The following SLC16A10 variants were observed in gnomAD, a reference collection of about 807,000 sequenced individuals.
The protein encoded by SLC16A10 is solute carrier family 16 member 10.
SLC16A10 carries 27 observed loss-of-function variants against 40.0 expected under a neutral mutation model. That is an observed-to-expected ratio of 0.67 (90% confidence interval 0.50 to 0.93). The LOEUF (loss-of-function observed/expected upper bound fraction) is 0.93. SLC16A10 is among the 40% of genes least tolerant of loss of function. The pLI, the probability that SLC16A10 is intolerant of heterozygous loss-of-function variation, is 0.00. For missense variants in SLC16A10, 529 were observed against 658.2 expected, an observed-to-expected ratio of 0.80 and a Z score of 2.15; for synonymous variants, 213 against 249.8, an observed-to-expected ratio of 0.85 and a Z score of 1.39.
intron 1 of SLC16A10, among the ~76,000 whole-genome samples, chr6:111,112,277 C>G (rs370917943): frequency 1.5e-3 from 224 of 152,248 alleles, no homozygotes; most frequent in African/African-American, 5.2e-3. Context: ...TCAAGCAGTC[C>G]TCCTGCCTTG....
chr6:111,221,962 C>G, intron 5 of SLC16A10, 41 bp from the exon 6 acceptor site: 3 of 1,568,190 alleles, frequency 1.9e-6, no homozygotes, highest in Non-Finnish European at 2.6e-6. Context: ...CCTACAGAGC[C>G]ACACTTGTTC....
At chr6:111,153,772 A>G (rs1056210280) in intron 1 of SLC16A10, among the ~76,000 whole-genome samples, 1 of 152,256 alleles carries the variant, frequency 6.6e-6, no homozygotes, top group African/African-American at 2.4e-5. Flanking sequence ...CCTAAACATC[A>G]TCTGCCATGT....
chr6:111,088,074 G>T lies in SLC16A10; in HGVS notation c.322G>T (p.Asp108Tyr). ...GGAAACCTTCGGCTCCAAAGACGAT[G>T]ACAAGATGGTCTTTAAGACAGGTGA... The part of the protein sequence containing the change: ...MLETFGSKDD[D>Y]KMVFKTAWVG... The change falls in exon 1 of 6, where the codon GAC (aspartate) becomes TAC (tyrosine). Residue 108 changes from aspartate (D) to tyrosine (Y), a missense_variant. Physicochemically the swap from Asp to Tyr is radical, Grantham distance 160. Transcript: ENST00000368851. 1 of 1,607,298 alleles carries T rather than the reference G, an allele frequency of 6.2e-7. No individual in the cohort carries two copies. The highest frequency in any genetic ancestry group is 1.1e-5 in the South Asian group (1 of 90,046).
intron 1 of SLC16A10, among the ~76,000 whole-genome samples, chr6:111,124,279 T>C (rs1434011678): frequency 6.6e-6 from 1 of 151,510 alleles, no homozygotes; most frequent in Non-Finnish European, 1.5e-5. Context: ...CATTGGTGGC[T>C]AAGAAATTAA....
intron 1 of SLC16A10, among the ~76,000 whole-genome samples, chr6:111,097,553 A>T (rs1583300656): frequency 6.6e-6 from 1 of 152,006 alleles, no homozygotes; most frequent in Admixed American, 6.5e-5. Flanking sequence ...ATCTCAGGTG[A>T]CCCACCCGCC....
intron 1 of SLC16A10, among the ~76,000 whole-genome samples, chr6:111,166,931 A>C (rs927914985): frequency 6.6e-6 from 1 of 152,246 alleles, no homozygotes; most frequent in African/African-American, 2.4e-5. Context: ...GATGTCAAAC[A>C]TACACACATA....
At chr6:111,167,650 TG>T in intron 1 of SLC16A10, among the ~76,000 whole-genome samples, 1 of 150,606 alleles carries the variant, frequency 6.6e-6, no homozygotes, top group Non-Finnish European at 1.5e-5. Context: ...ATTTATTGTG[TG>T]TGTGTGTATG....
In SLC16A10 at chr6:111,135,783, C is replaced by T. The variant is rs562417217; in HGVS notation, c.344-36912C>T. On this transcript the variant is annotated intron_variant, in intron 1 of 5. Coordinates refer to ENST00000368851, the MANE Select transcript of SLC16A10 (RefSeq NM_018593.5). ...GGTATGCGGATGATTTACTTTTAGCCGCCCGTTCAGAAACCTTGTGCCATC... is the reference window on the plus strand; with the variant it reads ...GGTATGCGGATGATTTACTTTTAGCTGCCCGTTCAGAAACCTTGTGCCATC... Among the ~76,000 whole-genome samples the T allele has an allele frequency of 1.6e-4, 25 of 152,292 alleles. 1 individual carries two copies. The highest frequency in any genetic ancestry group is 6.2e-4 in the South Asian group (3 of 4,822).
intron 1 of SLC16A10, among the ~76,000 whole-genome samples, chr6:111,110,168 T>A (rs1771360371): frequency 6.6e-6 from 1 of 152,164 alleles, no homozygotes. Context: ...AAATCTCTGA[T>A]GACTTCAGCC....
intron 3 of SLC16A10, among the ~76,000 whole-genome samples, chr6:111,189,025 A>G (rs12210343): frequency 0.011 from 1,639 of 152,306 alleles, 8 homozygotes; most frequent in Non-Finnish European, 0.019. Context: ...CTCTAATTAT[A>G]AATCAGTTAA....
intron 1 of SLC16A10, among the ~76,000 whole-genome samples, chr6:111,105,528 T>G (rs1238393279): frequency 6.6e-6 from 1 of 152,152 alleles, no homozygotes; most frequent in Non-Finnish European, 1.5e-5. Flanking sequence ...GGAGGAGGTG[T>G]CATCTTTATG....
chr6:111,228,885 C>T lies in SLC16A10; in HGVS notation c.*6650C>T, dbSNP rs140143538. On this transcript the variant is annotated 3_prime_UTR_variant, in exon 6 of 6. Coordinates refer to ENST00000368851, the MANE Select transcript of SLC16A10 (RefSeq NM_018593.5). ...TCTCTACCAAAAATACAAAATTAGCCGGGCGTGGTGGCTCCATGCTGTAAT... is the reference window on the plus strand; with the variant it reads ...TCTCTACCAAAAATACAAAATTAGCTGGGCGTGGTGGCTCCATGCTGTAAT... The T allele has an allele frequency of 0.015, 2,352 of 151,972 alleles. 27 individuals carry two copies. Among genetic ancestry groups the T allele is most frequent in the Admixed American group, 0.029 (446 of 15,230 alleles). 9.4% of individuals were successfully genotyped at this position (151,972 alleles called of 1,614,324 possible). A position where few individuals can be genotyped will look rare whatever the true frequency, so the allele number is the denominator to read the frequency against.
chr6:111,177,990 A>G (rs1195869519), intron 3 of SLC16A10, among the ~76,000 whole-genome samples: 2 of 152,176 alleles, frequency 1.3e-5, no homozygotes, highest in African/African-American at 4.8e-5. Context: ...CCTAGACAAC[A>G]TAGAGAGACT....
intron 1 of SLC16A10, 116 bp from the exon 2 acceptor site, chr6:111,172,579 C>T: frequency 7.9e-7 from 1 of 1,271,012 alleles, no homozygotes; most frequent in Non-Finnish European, 1.1e-6. Flanking sequence ...AGCTTAGGCA[C>T]TATACTCAAA....
chr6:111,130,086 A>C (rs1771753819), intron 1 of SLC16A10, among the ~76,000 whole-genome samples: 1 of 152,218 alleles, frequency 6.6e-6, no homozygotes, highest in East Asian at 1.9e-4. Flanking sequence ...TTTGGTTATG[A>C]GACACAGTCA....
intron 3 of SLC16A10, among the ~76,000 whole-genome samples, chr6:111,202,135 G>C (rs554889957): frequency 6.6e-6 from 1 of 152,292 alleles, no homozygotes; most frequent in African/African-American, 2.4e-5. Flanking sequence ...TCTGTCTGTG[G>C]GCTCTAGTGA....
At chr6:111,168,155 T>G (rs536211182) in intron 1 of SLC16A10, among the ~76,000 whole-genome samples, 10 of 152,220 alleles carry the variant, frequency 6.6e-5, no homozygotes, top group African/African-American at 2.4e-4. Flanking sequence ...AATTTTTGTA[T>G]TTTTAGTAGA....
At chr6:111,186,897 G>A (rs1772907662) in intron 3 of SLC16A10, among the ~76,000 whole-genome samples, 1 of 152,106 alleles carries the variant, frequency 6.6e-6, no homozygotes, top group African/African-American at 2.4e-5. Flanking sequence ...CTCATTTAAA[G>A]GGCAATGCGC....
chr6:111,120,327 A>G lies in SLC16A10; in HGVS notation c.343+32232A>G, dbSNP rs147438224. On this transcript the variant is annotated intron_variant, in intron 1 of 5. Transcript: ENST00000368851. ...AGAAATTTAACTTAGCTTATGGACT[A>G]GTTCAGGCTTAGATAACTCTGGAAG... Among the ~76,000 whole-genome samples the G allele has an allele frequency of 3.3e-5, 5 of 152,362 alleles. No homozygotes were observed. In the East Asian group the frequency reaches 5.8e-4, roughly 18 times the overall value.
Sources: gnomAD v4.1 joint callset for allele counts (sites outside exome capture counted in the v4.1 genomes callset) on GRCh38, gnomAD v4.1.1 for gene constraint, MANE v1.5 for transcripts, NCBI Gene and HGNC (gene_info 2026-07-23, HGNC 2026-07-21) for gene names.